Variants in ZCCHC24 observed in about 807,000 individuals in gnomAD.
The protein encoded by ZCCHC24 is zinc finger CCHC-type containing 24, also known as zinc finger CCHC domain-containing protein 24.
Under a neutral mutation model 26.2 loss-of-function variants are expected in ZCCHC24, and 10 were observed. The ratio of observed to expected loss-of-function variants is 0.38; its 90% confidence interval spans 0.24 to 0.65. ZCCHC24 has a LOEUF of 0.65. Among genes scored for constraint, ZCCHC24 ranks in the 30% least tolerant of loss-of-function variants. The pLI is 0.54. For missense variants in ZCCHC24, 243 were observed against 329.1 expected (o/e 0.74, Z 2.03); for synonymous variants, 144 against 147.1 (o/e 0.98, Z 0.15).
At position 79,445,618 on chromosome 10, in the gene ZCCHC24, C is replaced by T. The variant is rs964756188; in HGVS notation, c.-178G>A. The stretch of plus-strand genomic sequence containing the variant: ...GCCGCTGCCGCTGCCGCCGCCTCCC[C>T]CCGACTGCGGCCCCGGCGCGCGCAG... On this transcript the variant is annotated 5_prime_UTR_variant, in exon 1 of 4. Transcript: ENST00000372336. 1 of 394,988 alleles carries T rather than the reference C, an allele frequency of 2.5e-6. No individual in the cohort carries two copies. The highest frequency in any genetic ancestry group is 2.2e-5 in the African/African-American group (1 of 45,756). 24.5% of individuals were successfully genotyped at this position (394,988 alleles called of 1,614,324 possible). A position where few individuals can be genotyped will look rare whatever the true frequency, so the allele number is the denominator to read the frequency against.
intron 3 of ZCCHC24, among the ~76,000 whole-genome samples, chr10:79,391,718 C>G (rs1234284854): frequency 6.6e-6 from 1 of 151,932 alleles, no homozygotes; most frequent in African/African-American, 2.4e-5. Flanking sequence ...ATCCTCCGGG[C>G]CCCCGGTCTA....
At chr10:79,427,915 A>G (rs1857055630) in intron 2 of ZCCHC24, among the ~76,000 whole-genome samples, 1 of 152,188 alleles carries the variant, frequency 6.6e-6, no homozygotes, top group Admixed American at 6.5e-5. Context: ...AGAAGGAAGG[A>G]AGGAAAAGAA....
At position 79,394,366 on chromosome 10, in the gene ZCCHC24, C is replaced by T. The variant is rs1371704627; in HGVS notation, c.522G>A (p.Lys174=). 29 of 1,614,144 alleles carry T rather than the reference C, an allele frequency of 1.8e-5. No homozygotes were observed. The highest frequency in any genetic ancestry group is 2.3e-5 in the Non-Finnish European group (27 of 1,180,060). Reference sequence around the variant, plus strand: ...TCCCGCTCATCCATTTTCTCTTGCACTTGGGACACTTGTACTCGCCGAAGC... The same window carrying T: ...TCCCGCTCATCCATTTTCTCTTGCATTTGGGACACTTGTACTCGCCGAAGC... The part of the protein sequence containing the change: ...KRCFGEYKCP[K]CKRKWMSGNS... The change falls in exon 3 of 4, where the codon AAG becomes AAA. Residue 174 remains lysine, a synonymous_variant. Coordinates refer to ENST00000372336, the MANE Select transcript of ZCCHC24 (RefSeq NM_153367.4).
intron 3 of ZCCHC24, among the ~76,000 whole-genome samples, chr10:79,387,350 C>G (rs1045098167): frequency 6.6e-6 from 1 of 152,150 alleles, no homozygotes; most frequent in Admixed American, 6.5e-5. Flanking sequence ...GTGAACTGGA[C>G]AGCGGAAGGC....
intron 2 of ZCCHC24, among the ~76,000 whole-genome samples, chr10:79,429,903 C>A (rs919575479): frequency 2.0e-5 from 3 of 152,144 alleles, no homozygotes; most frequent in Non-Finnish European, 4.4e-5. Context: ...AGCACCGCTG[C>A]GTGTGAGGTC....
rs924743962 is a variant in ZCCHC24 at position 79,416,548 on chromosome 10, T to C, written c.447+16010A>G. Among the ~76,000 whole-genome samples the C allele has an allele frequency of 3.3e-5, 5 of 152,338 alleles. No individual in the cohort carries two copies. In the South Asian group the frequency reaches 1.0e-3, roughly 32 times the overall value. On this transcript the variant is annotated intron_variant, in intron 2 of 3. Coordinates refer to ENST00000372336, the MANE Select transcript of ZCCHC24 (RefSeq NM_153367.4). The stretch of plus-strand genomic sequence containing the variant: ...AAATCCCAGCCATGCCCTTGGCTCC[T>C]GTGTGACTCTGGGCGAATCCCTTGA...
chr10:79,433,550 G>A (rs551907375), intron 1 of ZCCHC24, among the ~76,000 whole-genome samples: 47 of 152,346 alleles, frequency 3.1e-4, no homozygotes, highest in Non-Finnish European at 5.1e-4. Context: ...GGAATTTAGC[G>A]AAGGTGGGGC....
At position 79,438,101 on chromosome 10, in the gene ZCCHC24, C is replaced by T. The variant is rs78531722; in HGVS notation, c.247-5343G>A. 5.3e-5 allele frequency among the ~76,000 whole-genome samples: 8 copies of T among 152,256 alleles called. No individual in the cohort carries two copies. The East Asian group carries it at 1.5e-3, about 29-fold the overall frequency. ...AGAAGCAAGGGCTGAGTCCTGCTCCCCAGGCCTGAGAAGGCCCCGGAGGAG... is the reference window on the plus strand; with the variant it reads ...AGAAGCAAGGGCTGAGTCCTGCTCCTCAGGCCTGAGAAGGCCCCGGAGGAG... On this transcript the variant is annotated intron_variant, in intron 1 of 3. Transcript: ENST00000372336.
intron 1 of ZCCHC24, among the ~76,000 whole-genome samples, chr10:79,434,317 C>A: frequency 6.6e-6 from 1 of 152,230 alleles, no homozygotes; most frequent in East Asian, 1.9e-4. Flanking sequence ...GAAGATTCCA[C>A]ATTGACCTGC....
intron 2 of ZCCHC24, among the ~76,000 whole-genome samples, chr10:79,430,626 G>A (rs1271999111): frequency 2.6e-5 from 4 of 151,696 alleles, no homozygotes; most frequent in East Asian, 3.9e-4. Context: ...TTAGAAGAGC[G>A]CTGGCCCTGT....
chr10:79,395,292 G>A (rs371856776), intron 2 of ZCCHC24, among the ~76,000 whole-genome samples: 7 of 152,234 alleles, frequency 4.6e-5, no homozygotes, highest in Admixed American at 3.3e-4. Context: ...TGTTTAACAG[G>A]TGCACACAAT....
In ZCCHC24 at chr10:79,406,134, C is replaced by A. The variant is rs565826177; in HGVS notation, c.448-11694G>T. Among the ~76,000 whole-genome samples the A allele has an allele frequency of 3.3e-5, 5 of 152,340 alleles. No individual in the cohort carries two copies. In the South Asian group the frequency reaches 1.0e-3, roughly 32 times the overall value. On this transcript the variant is annotated intron_variant, in intron 2 of 3. Coordinates refer to ENST00000372336, the MANE Select transcript of ZCCHC24 (RefSeq NM_153367.4). Reference sequence around the variant, plus strand: ...TGCTGGGGCTGGCCACGCACACAACCTGTAGGTAGCTTCATTGTGATCCCA... The same window carrying A: ...TGCTGGGGCTGGCCACGCACACAACATGTAGGTAGCTTCATTGTGATCCCA...
chr10:79,432,846 C>A, intron 1 of ZCCHC24, 88 bp from the exon 2 acceptor site: 1 of 1,418,968 alleles, frequency 7.0e-7, no homozygotes, highest in Non-Finnish European at 9.5e-7. Flanking sequence ...TGGATTCACA[C>A]TGAGTCTTCA....
At chr10:79,415,534 T>C (rs1406867365) in intron 2 of ZCCHC24, among the ~76,000 whole-genome samples, 1 of 152,216 alleles carries the variant, frequency 6.6e-6, no homozygotes, top group East Asian at 1.9e-4. Context: ...ACCTTTTGCC[T>C]TCCTGGGTGA....
intron 2 of ZCCHC24, among the ~76,000 whole-genome samples, chr10:79,426,772 A>G (rs1213560395): frequency 6.6e-6 from 1 of 152,244 alleles, no homozygotes; most frequent in Non-Finnish European, 1.5e-5. Flanking sequence ...TTTAGAAGGA[A>G]TAGAGAAATA....
intron 2 of ZCCHC24, among the ~76,000 whole-genome samples, chr10:79,404,069 C>T (rs1465330214): frequency 3.3e-5 from 5 of 151,936 alleles, no homozygotes; most frequent in African/African-American, 4.8e-5. Context: ...CCAGGAGAGG[C>T]GAGACATGAT....
chr10:79,394,231 C>T lies in ZCCHC24; in HGVS notation c.612+45G>A, dbSNP rs565275951. 2.0e-5 allele frequency: 32 copies of T among 1,587,192 alleles called. No homozygotes were observed. In the East Asian group the frequency reaches 6.1e-4, roughly 30 times the overall value. The stretch of plus-strand genomic sequence containing the variant: ...CTGAGGTCCGGTAAGGGAAAAGTTG[C>T]CCTCCCGCGGTCCTTCTGAGAAGGC... On this transcript the variant is annotated intron_variant, in intron 3 of 3. Coordinates refer to ENST00000372336, the MANE Select transcript of ZCCHC24 (RefSeq NM_153367.4).
chr10:79,445,324 G>A lies in ZCCHC24; in HGVS notation c.117C>T (p.Ala39=), dbSNP rs1857351258. ...CGCCGGCGGTCGGCTCGGGCCGGAA[G>A]GCATCGAAGGCGCTAGCCTGGTGCG... ...QDTHQASAFD[A]FRPEPTAGAA... is the part of the protein sequence containing the mutation. The change falls in exon 1 of 4, where the codon GCC becomes GCT. Residue 39 remains alanine (A), a synonymous_variant. Transcript: ENST00000372336. 2.0e-6 allele frequency: 3 copies of A among 1,521,988 alleles called. No homozygotes were observed. The highest frequency in any genetic ancestry group is 1.4e-5 in the African/African-American group (1 of 69,870). The allele number at this position is 1,521,988 out of a possible 1,614,324, so 94.3% of individuals were successfully genotyped here.
At chr10:79,437,840 T>C (rs963462595) in intron 1 of ZCCHC24, among the ~76,000 whole-genome samples, 6 of 152,194 alleles carry the variant, frequency 3.9e-5, no homozygotes, top group Non-Finnish European at 8.8e-5. Flanking sequence ...CTTTTCTTCC[T>C]TCCCTGCAGG....
Sources: allele counts gnomAD v4.1 joint callset (sites outside exome capture counted in the v4.1 genomes callset), GRCh38; gene constraint gnomAD v4.1.1; transcripts MANE v1.5; gene names NCBI Gene and HGNC (gene_info 2026-07-23, HGNC 2026-07-21).